Variants in DEPDC1B observed in about 807,000 individuals in gnomAD.
DEPDC1B encodes DEP domain containing 1B, also known as DEP domain-containing protein 1B.
DEPDC1B carries 51 observed loss-of-function variants against 66.5 expected under a neutral mutation model. The observed-to-expected ratio is 0.77, with a 90% CI of 0.61 to 0.97. The LOEUF is 0.97. Ranked by LOEUF, DEPDC1B falls within the 50% of genes least tolerant of loss-of-function variation. The pLI is 0.00. For missense variants in DEPDC1B, 552 were observed against 637.1 expected (o/e 0.87, Z 1.44); for synonymous variants, 226 against 223.6 (o/e 1.01, Z -0.10).
chr5:60,617,106 C>A (rs1476208176), intron 7 of DEPDC1B, among the ~76,000 whole-genome samples: 3 of 151,912 alleles, frequency 2.0e-5, no homozygotes, highest in African/African-American at 4.8e-5. Context: ...TTGTCACCAC[C>A]AGGCCTGCCC....
intron 7 of DEPDC1B, among the ~76,000 whole-genome samples, chr5:60,613,790 G>T (rs192072656): frequency 0.067 from 5,141 of 77,280 alleles, 110 homozygotes; most frequent in Non-Finnish European, 0.084. Flanking sequence ...ATATGTATTT[G>T]TGTGTGTGTG....
At chr5:60,698,688 AT>A (rs1754708986) in intron 1 of DEPDC1B, among the ~76,000 whole-genome samples, 1 of 143,654 alleles carries the variant, frequency 7.0e-6, no homozygotes, top group African/African-American at 2.6e-5. Context: ...TTTTTTTGAG[AT>A]GGAGTTTCGC....
intron 1 of DEPDC1B, among the ~76,000 whole-genome samples, chr5:60,697,260 A>G (rs1754676937): frequency 6.6e-6 from 1 of 152,204 alleles, no homozygotes; most frequent in Admixed American, 6.5e-5. Flanking sequence ...TTATTTTCAA[A>G]TAAGACTTTG....
intron 1 of DEPDC1B, among the ~76,000 whole-genome samples, chr5:60,688,317 T>G (rs1240793304): frequency 1.3e-5 from 2 of 152,232 alleles, no homozygotes; most frequent in East Asian, 3.9e-4. Context: ...AGTTTAAGTG[T>G]GCATGACATC....
intron 7 of DEPDC1B, among the ~76,000 whole-genome samples, chr5:60,617,162 G>A (rs1752577070): frequency 1.3e-5 from 2 of 152,232 alleles, no homozygotes; most frequent in South Asian, 2.1e-4. Context: ...AGGAACATAC[G>A]GTACCAGCCA....
intron 1 of DEPDC1B, among the ~76,000 whole-genome samples, chr5:60,694,166 A>G (rs1373425179): frequency 6.6e-6 from 1 of 152,154 alleles, no homozygotes; most frequent in African/African-American, 2.4e-5. Context: ...ACAGACACAT[A>G]GACAGAATTT....
intron 2 of DEPDC1B, among the ~76,000 whole-genome samples, chr5:60,685,581 G>A (rs373105960): frequency 2.6e-5 from 4 of 151,990 alleles, no homozygotes; most frequent in East Asian, 1.9e-4. Flanking sequence ...CTGGGTAGTC[G>A]GCTCCTATTT....
chr5:60,605,148 C>T (rs1478918422), intron 8 of DEPDC1B, among the ~76,000 whole-genome samples: 1 of 152,128 alleles, frequency 6.6e-6, no homozygotes, highest in African/African-American at 2.4e-5. Flanking sequence ...GTACCACAGG[C>T]TGGGGGATAC....
At chr5:60,651,963 A>C (rs1198525439) in intron 2 of DEPDC1B, among the ~76,000 whole-genome samples, 1 of 150,460 alleles carries the variant, frequency 6.6e-6, no homozygotes. Context: ...ATTTGAAAAG[A>C]AGAGCTTTAT....
intron 2 of DEPDC1B, among the ~76,000 whole-genome samples, chr5:60,662,426 G>A (rs935680058): frequency 6.6e-6 from 1 of 151,968 alleles, no homozygotes; most frequent in Non-Finnish European, 1.5e-5. Flanking sequence ...TAGGCCCAGA[G>A]CAAAACTTAG....
intron 8 of DEPDC1B, 105 bp from the exon 9 acceptor site, chr5:60,603,672 G>A (rs2111710347): frequency 1.7e-6 from 2 of 1,191,296 alleles, no homozygotes; most frequent in East Asian, 2.7e-5. Context: ...TAAGGCACAG[G>A]GTGCATATTC....
chr5:60,687,811 C>T, intron 1 of DEPDC1B: 1 of 212,802 alleles, frequency 4.7e-6, no homozygotes. Flanking sequence ...CAGGAGTGAG[C>T]CACTGCACCC....
intron 2 of DEPDC1B, among the ~76,000 whole-genome samples, chr5:60,663,993 A>G (rs184356500): frequency 6.6e-6 from 1 of 152,364 alleles, no homozygotes; most frequent in Non-Finnish European, 1.5e-5. Flanking sequence ...TCTGCCGAAT[A>G]TGGATTCCCA....
chr5:60,687,017 C>A lies in DEPDC1B; in HGVS notation c.259G>T (p.Asp87Tyr), dbSNP rs1754429167. 1 of 1,614,188 alleles carries A rather than the reference C, an allele frequency of 6.2e-7. No individual in the cohort carries two copies. The highest frequency in any genetic ancestry group is 8.5e-7 in the Non-Finnish European group (1 of 1,180,026). Residue 87 changes from aspartate (D) to tyrosine (Y), a missense_variant, in exon 2 of 11, where the codon GAC becomes TAC. By Grantham distance (160) the Asp-to-Tyr change is radical. Coordinates refer to ENST00000265036, the MANE Select transcript of DEPDC1B (RefSeq NM_018369.3). ...TCCTCACCCCATTTTCCCTTGATGTCTTCAATAACGTGATTCTTCAGGAAT... is the reference window on the plus strand; with the variant it reads ...TCCTCACCCCATTTTCCCTTGATGTATTCAATAACGTGATTCTTCAGGAAT... ...KKFLKNHVIE[D>Y]IKGKWGEEDF...
At chr5:60,640,228 C>G (rs573673917) in intron 6 of DEPDC1B, among the ~76,000 whole-genome samples, 1 of 152,236 alleles carries the variant, frequency 6.6e-6, no homozygotes, top group Admixed American at 6.5e-5. Flanking sequence ...CTGACATATC[C>G]CAAGCTTAAT....
At chr5:60,687,404 G>C (rs903757925) in intron 1 of DEPDC1B, among the ~76,000 whole-genome samples, 177 bp from the exon 2 acceptor site, 2 of 152,080 alleles carry the variant, frequency 1.3e-5, no homozygotes, top group African/African-American at 4.8e-5. Context: ...AAGTTTGGCA[G>C]AATGGATGGT....
At chr5:60,630,977 A>T (rs1752911097) in intron 7 of DEPDC1B, 1 of 160,884 alleles carries the variant, frequency 6.2e-6, no homozygotes, top group Non-Finnish European at 1.5e-5. Flanking sequence ...ATTTCTTCAG[A>T]ATTTTGCCTT....
chr5:60,677,101 T>G (rs920033499), intron 2 of DEPDC1B, among the ~76,000 whole-genome samples: 2 of 152,078 alleles, frequency 1.3e-5, no homozygotes, highest in African/African-American at 4.8e-5. Context: ...TGTATTATCT[T>G]CACAAAATAT....
In DEPDC1B at chr5:60,599,255, T is replaced by C. The variant is rs1752155854; in HGVS notation, c.1248A>G (p.Lys416=). 1.3e-6 allele frequency: 2 copies of C among 1,592,940 alleles called. No individual in the cohort carries two copies. Among genetic ancestry groups the C allele is most frequent in the Non-Finnish European group, 1.7e-6 (2 of 1,173,756 alleles). The part of the protein sequence containing the change: ...RVAHLRRVQI[K]YPGADMDITL... Reference sequence around the variant, plus strand: ...TGATATCCATATCAGCTCCTGGGTATTTTATCTGAGGCAAAAGGATTAGTA... The same window carrying C: ...TGATATCCATATCAGCTCCTGGGTACTTTATCTGAGGCAAAAGGATTAGTA... The change falls in exon 10 of 11, where the codon AAA becomes AAG. Residue 416 remains lysine (K), a synonymous_variant. Coordinates refer to ENST00000265036, the MANE Select transcript of DEPDC1B (RefSeq NM_018369.3).
Sources: allele counts gnomAD v4.1 joint callset (sites outside exome capture counted in the v4.1 genomes callset), GRCh38; gene constraint gnomAD v4.1.1; transcripts MANE v1.5; gene names NCBI Gene and HGNC (gene_info 2026-07-23, HGNC 2026-07-21).